Variants in CDH13 observed in about 807,000 individuals in gnomAD.
CDH13 encodes cadherin-13.
Under a neutral mutation model 63.8 loss-of-function variants are expected in CDH13, and 24 were observed. The observed-to-expected ratio is 0.38, with a 90% CI of 0.27 to 0.53. The LOEUF (loss-of-function observed/expected upper bound fraction) is 0.53. Among genes scored for constraint, CDH13 ranks in the 20% least tolerant of loss-of-function variants. The pLI is 0.85. For missense variants in CDH13, 1,049 were observed against 903.1 expected, an observed-to-expected ratio of 1.16 and a Z score of -2.07; for synonymous variants, 503 against 355.3, an observed-to-expected ratio of 1.42 and a Z score of -4.67.
intron 3 of CDH13, among the ~76,000 whole-genome samples, chr16:83,037,458 A>T (rs1216761023): frequency 6.6e-6 from 1 of 152,210 alleles, no homozygotes; most frequent in Non-Finnish European, 1.5e-5. Context: ...TTAGAGCAAC[A>T]TGGGAGCAAT....
chr16:83,214,446 G>T lies in CDH13; in HGVS notation c.484-2899G>T, dbSNP rs138952363. 4.6e-3 allele frequency among the ~76,000 whole-genome samples: 691 copies of T among 151,832 alleles called. 4 individuals are homozygous for T. The highest frequency in any genetic ancestry group is 0.016 in the African/African-American group (647 of 41,418). ...AATATAAAAATTAGCCAGGCATGGT[G>T]GCGTGTGCCTGTAGTTCCACCTACT... On this transcript the variant is annotated intron_variant, in intron 4 of 13. Transcript: ENST00000567109.
chr16:83,137,093 C>T lies in CDH13; in HGVS notation c.483+11592C>T, dbSNP rs568878567. Among the ~76,000 whole-genome samples the T allele has an allele frequency of 9.8e-5, 15 of 152,310 alleles. No homozygotes were observed. In the South Asian group the frequency reaches 2.9e-3, roughly 29 times the overall value. ...GGGCACATGGGTCCCAGGGGAGCTA[C>T]GCTTGAGTGAAGCCCTCCATTGTGG... is the stretch of plus-strand genomic sequence containing the variant. On this transcript the variant is annotated intron_variant, in intron 4 of 13. Transcript: ENST00000567109.
intron 4 of CDH13, among the ~76,000 whole-genome samples, chr16:83,194,638 C>T (rs12102970): frequency 0.25 from 38,761 of 152,022 alleles, 6,167 homozygotes; most frequent in African/African-American, 0.45. Context: ...AAAAAGAAAA[C>T]GACTTAACTA....
intron 6 of CDH13, among the ~76,000 whole-genome samples, chr16:83,345,979 A>G (rs1051947886): frequency 1.3e-5 from 2 of 152,164 alleles, no homozygotes; most frequent in Non-Finnish European, 2.9e-5. Flanking sequence ...GGCTCTGGAA[A>G]TGTTGCCATG....
At chr16:83,646,525 A>AC (rs1297422939) in intron 8 of CDH13, among the ~76,000 whole-genome samples, 1 of 151,784 alleles carries the variant, frequency 6.6e-6, no homozygotes, top group East Asian at 1.9e-4. Context: ...AAATGGTGAA[A>AC]CCCCATCTTT....
At chr16:83,449,296 G>C (rs534185094) in intron 6 of CDH13, among the ~76,000 whole-genome samples, 1 of 152,082 alleles carries the variant, frequency 6.6e-6, no homozygotes, top group African/African-American at 2.4e-5. Context: ...GAAAGTAAAC[G>C]AAGAGGATCA....
intron 10 of CDH13, among the ~76,000 whole-genome samples, chr16:83,728,467 G>A (rs777364279): frequency 6.6e-6 from 1 of 152,104 alleles, no homozygotes; most frequent in African/African-American, 2.4e-5. Flanking sequence ...ATTCTTTTTA[G>A]TGAGTGAATT....
intron 8 of CDH13, among the ~76,000 whole-genome samples, chr16:83,659,935 C>T (rs758415830): frequency 1.1e-4 from 16 of 151,986 alleles, no homozygotes; most frequent in African/African-American, 2.7e-4. Context: ...TACAGGCACC[C>T]GCCACCACAC....
chr16:82,724,713 A>G (rs1334688380), intron 1 of CDH13, among the ~76,000 whole-genome samples: 1 of 152,190 alleles, frequency 6.6e-6, no homozygotes, highest in Non-Finnish European at 1.5e-5. Context: ...TGCTGTGCAA[A>G]GTAGCTGAGA....
intron 3 of CDH13, among the ~76,000 whole-genome samples, chr16:83,106,540 C>CAAAGA (rs1555589600): frequency 6.6e-6 from 1 of 152,130 alleles, no homozygotes; most frequent in African/African-American, 2.4e-5. Flanking sequence ...GACTCCACCT[C>CAAAGA]AAACAAAACA....
intron 7 of CDH13, among the ~76,000 whole-genome samples, chr16:83,497,553 A>C (rs112022855): frequency 2.0e-5 from 3 of 151,608 alleles, no homozygotes; most frequent in South Asian, 2.1e-4. Context: ...GGAGAAATAC[A>C]TAATGCTAGA....
rs150528591 is a variant in CDH13, at chr16:83,614,537, T to C, written c.1101+11943T>C. 4.3e-3 allele frequency among the ~76,000 whole-genome samples: 654 copies of C among 152,318 alleles called. 3 individuals are homozygous for C. The highest frequency in any genetic ancestry group is 0.02 in the Middle Eastern group (6 of 294). On this transcript the variant is annotated intron_variant, in intron 8 of 13. Transcript: ENST00000567109. ...GTAAAAGTTCTATGGAATATTGGCC[T>C]CGCTTCAGTGAATTTTCCTTCTCTC...
intron 13 of CDH13, among the ~76,000 whole-genome samples, chr16:83,792,659 C>T (rs1456452144): frequency 6.6e-6 from 1 of 152,204 alleles, no homozygotes; most frequent in Non-Finnish European, 1.5e-5. Context: ...CCCCAAATGT[C>T]AGTAGTGCTG....
chr16:83,205,807 G>C lies in CDH13; in HGVS notation c.484-11538G>C, dbSNP rs1397233867. Among the ~76,000 whole-genome samples the C allele has an allele frequency of 1.3e-5, 2 of 152,026 alleles. 1 individual carries two copies. Among genetic ancestry groups the C allele is most frequent in the Non-Finnish European group, 2.9e-5 (2 of 68,006 alleles). ...TTTACTAGAGACGGGGTTTCATTAT[G>C]TTGGCCAGGATGGTCTCTATCTCCT... On this transcript the variant is annotated intron_variant, in intron 4 of 13. Coordinates refer to ENST00000567109, the MANE Select transcript of CDH13 (RefSeq NM_001257.5).
intron 1 of CDH13, among the ~76,000 whole-genome samples, chr16:82,634,081 C>T (rs1469736137): frequency 6.6e-6 from 1 of 152,224 alleles, no homozygotes; most frequent in Admixed American, 6.5e-5. Context: ...GCTGCAGAGG[C>T]ACAAAGACCC....
At chr16:82,954,231 T>A (rs1905714659) in intron 2 of CDH13, 1 of 152,174 alleles carries the variant, frequency 6.6e-6, no homozygotes, top group Non-Finnish European at 1.5e-5. Flanking sequence ...AGCTGGGTAT[T>A]GCTCTTCCGA....
At chr16:83,471,225 T>C (rs944278252) in intron 6 of CDH13, among the ~76,000 whole-genome samples, 12 of 151,804 alleles carry the variant, frequency 7.9e-5, no homozygotes, top group Non-Finnish European at 1.8e-4. Context: ...TTCACAGTTG[T>C]TGGGGATTAG....
intron 1 of CDH13, among the ~76,000 whole-genome samples, chr16:82,749,780 G>C (rs950230462): frequency 8.6e-5 from 13 of 151,868 alleles, no homozygotes; most frequent in South Asian, 2.1e-4. Context: ...TTCCTCACTT[G>C]TTTCTTTGCC....
intron 10 of CDH13, among the ~76,000 whole-genome samples, chr16:83,742,732 C>A (rs1445287140): frequency 6.6e-6 from 1 of 152,192 alleles, no homozygotes; most frequent in Non-Finnish European, 1.5e-5. Flanking sequence ...GATGGCTCCA[C>A]CGTTCATTGT....
Sources: allele counts gnomAD v4.1 joint callset (sites outside exome capture counted in the v4.1 genomes callset), GRCh38; gene constraint gnomAD v4.1.1; transcripts MANE v1.5; gene names NCBI Gene and HGNC (gene_info 2026-07-23, HGNC 2026-07-21).